The following CLDN16 variants were observed in gnomAD, a reference collection of about 807,000 sequenced individuals.
The protein encoded by CLDN16 is claudin 16, also known as claudin-16.
In CLDN16, 13 loss-of-function variants were observed where a neutral mutation model predicts 24.6. That is an observed-to-expected ratio of 0.53 (90% CI 0.34 to 0.84). The LOEUF is 0.84. CLDN16 is among the 40% of genes least tolerant of loss of function. The pLI is 0.01. For synonymous variants in CLDN16, 116 were observed against 106.7 expected, an observed-to-expected ratio of 1.09 and a Z score of -0.54; for missense variants, 298 against 292.7, an observed-to-expected ratio of 1.02 and a Z score of -0.13.
Position 190,402,404 on chromosome 3 carries a change from G to A in CLDN16, c.182G>A (p.Cys61Tyr). ...VTNAFDGIRT[C>Y]DEYDSILAEH... ...AATGCTTTTGATGGGATTCGCACCT[G>A]TGATGAGTACGATTCCATACTTGCG... is the stretch of plus-strand genomic sequence containing the variant. The change falls in exon 2 of 5, where the codon TGT (cysteine) becomes TAT (tyrosine). Residue 61 changes from cysteine to tyrosine, a missense_variant. Transcript: ENST00000264734. 3 of 1,613,994 alleles carry A rather than the reference G, an allele frequency of 1.9e-6. No homozygotes were observed. In the South Asian group the frequency reaches 3.3e-5, roughly 18 times the overall value.
intron 1 of CLDN16, among the ~76,000 whole-genome samples, chr3:190,389,873 A>G (rs1014527482): frequency 3.3e-5 from 5 of 152,238 alleles, no homozygotes; most frequent in Non-Finnish European, 7.3e-5. Flanking sequence ...AATACAAAAA[A>G]ATGTAAAATC....
chr3:190,404,208 A>G (rs1308728590), intron 2 of CLDN16, among the ~76,000 whole-genome samples: 1 of 152,216 alleles, frequency 6.6e-6, no homozygotes, highest in Non-Finnish European at 1.5e-5. Flanking sequence ...CTTCTACTTA[A>G]TAGCACAAAC....
intron 3 of CLDN16, among the ~76,000 whole-genome samples, chr3:190,405,144 C>T (rs1021274931): frequency 6.6e-6 from 1 of 152,004 alleles, no homozygotes; most frequent in Non-Finnish European, 1.5e-5. Context: ...ATATGAAGCT[C>T]TCAGGCCGGG....
chr3:190,411,171 A>G lies in CLDN16; in HGVS notation c.*1135A>G, dbSNP rs1477124170. 6.6e-6 allele frequency: 1 copy of G among 152,170 alleles called. No individual in the cohort carries two copies. Among genetic ancestry groups the G allele is most frequent in the East Asian group, 1.9e-4 (1 of 5,194 alleles). 9.4% of individuals were successfully genotyped at this position (152,170 alleles called of 1,614,324 possible). ...GCTACTCGGGAGGCTGAGGCAGGAG[A>G]ATCGTTTGAACCCAGGAGGTGGAGG... On this transcript the variant is annotated 3_prime_UTR_variant, in exon 5 of 5. Coordinates refer to ENST00000264734, the MANE Select transcript of CLDN16 (RefSeq NM_006580.4).
rs534116529 is a variant in CLDN16 at position 190,411,903 on chromosome 3, A to T, written c.*1867A>T. On this transcript the variant is annotated 3_prime_UTR_variant, in exon 5 of 5. Coordinates refer to ENST00000264734, the MANE Select transcript of CLDN16 (RefSeq NM_006580.4). ...CTCTCAATATTTGTTTTTAACATTT[A>T]TTCCCATTTTTATTTTATACTATTG... The T allele has an allele frequency of 1.3e-5, 2 of 152,234 alleles. No homozygotes were observed. The highest frequency in any genetic ancestry group is 4.1e-4 in the South Asian group (2 of 4,832). The allele number at this position is 152,234 out of a possible 1,614,324, so 9.4% of individuals were successfully genotyped here.
At chr3:190,340,780 T>A (rs1318507628) in intron 1 of CLDN16, among the ~76,000 whole-genome samples, 1 of 152,114 alleles carries the variant, frequency 6.6e-6, no homozygotes, top group Non-Finnish European at 1.5e-5. Flanking sequence ...TATGAGCCTG[T>A]GTAAAATCAA....
At chr3:190,376,854 A>C (rs1718258919) in intron 3 of CLDN16, among the ~76,000 whole-genome samples, 1 of 151,984 alleles carries the variant, frequency 6.6e-6, no homozygotes, top group Non-Finnish European at 1.5e-5. Flanking sequence ...CTGGTAATTC[A>C]ATTTTAAGAA....
intron 1 of CLDN16, among the ~76,000 whole-genome samples, chr3:190,362,256 T>C (rs1717905171): frequency 6.6e-6 from 1 of 151,980 alleles, no homozygotes; most frequent in Non-Finnish European, 1.5e-5. Flanking sequence ...AGCATCACTA[T>C]TGTAAAACCT....
chr3:190,337,151 C>T (rs1346114510), intron 1 of CLDN16, among the ~76,000 whole-genome samples: 3 of 152,172 alleles, frequency 2.0e-5, no homozygotes, highest in Non-Finnish European at 4.4e-5. Context: ...TCCTGGAAGA[C>T]AGTATTCATG....
intron 4 of CLDN16, among the ~76,000 whole-genome samples, chr3:190,409,152 G>A (rs898811749): frequency 2.0e-5 from 3 of 151,188 alleles, no homozygotes; most frequent in African/African-American, 7.3e-5. Context: ...ATGGTAACAG[G>A]TAGGAATACA....
chr3:190,310,028 G>A, the CLDN16 span: 113 of 724,308 alleles, frequency 1.6e-4, no homozygotes, highest in Middle Eastern at 1.2e-3. Context: ...ACATAAGTCA[G>A]AGATCATTTA....
At chr3:190,371,053 A>G (rs1282601503) in intron 2 of CLDN16, 2 of 134,476 alleles carry the variant, frequency 1.5e-5, no homozygotes, top group East Asian at 2.2e-4. Flanking sequence ...ATATATATGC[A>G]TATATAAATT....
chr3:190,358,763 T>G (rs777794163), intron 1 of CLDN16, among the ~76,000 whole-genome samples: 1 of 152,036 alleles, frequency 6.6e-6, no homozygotes, highest in Non-Finnish European at 1.5e-5. Context: ...TCTGCCTAAA[T>G]TGAAATTCAA....
At chr3:190,293,830 C>A in the CLDN16 span, among the ~76,000 whole-genome samples, 1 of 151,978 alleles carries the variant, frequency 6.6e-6, no homozygotes, top group Admixed American at 6.6e-5. Flanking sequence ...GTTTTGTTTG[C>A]TGTTGGTAGG....
chr3:190,401,549 A>T (rs1718962950), intron 1 of CLDN16, among the ~76,000 whole-genome samples: 1 of 152,220 alleles, frequency 6.6e-6, no homozygotes, highest in African/African-American at 2.4e-5. Flanking sequence ...TACGATTCTA[A>T]GAAATCTATT....
chr3:190,356,308 A>C (rs2108638504), intron 1 of CLDN16, among the ~76,000 whole-genome samples: 1 of 151,936 alleles, frequency 6.6e-6, no homozygotes, highest in Middle Eastern at 3.4e-3. Flanking sequence ...TGCTGAAAAA[A>C]TACTGCTATA....
chr3:190,396,480 T>G (rs1465401385), intron 1 of CLDN16, among the ~76,000 whole-genome samples: 1 of 152,182 alleles, frequency 6.6e-6, no homozygotes, highest in Non-Finnish European at 1.5e-5. Flanking sequence ...GATTGACAAA[T>G]TGAGATTTTC....
intron 2 of CLDN16, among the ~76,000 whole-genome samples, chr3:190,402,879 T>C (rs1295770225): frequency 6.6e-6 from 1 of 151,998 alleles, no homozygotes; most frequent in African/African-American, 2.4e-5. Context: ...GAAGGTTAGC[T>C]AAGAAAGAGA....
chr3:190,302,831 AT>A, the CLDN16 span, among the ~76,000 whole-genome samples: 1 of 150,874 alleles, frequency 6.6e-6, no homozygotes, highest in Non-Finnish European at 1.5e-5. Flanking sequence ...TTTAGAAAGT[AT>A]GTCTGGTAAG....
Sources: gnomAD v4.1 joint callset for allele counts (sites outside exome capture counted in the v4.1 genomes callset) on GRCh38, gnomAD v4.1.1 for gene constraint, MANE v1.5 for transcripts, NCBI Gene and HGNC (gene_info 2026-07-23, HGNC 2026-07-21) for gene names.